Variants in WDPCP observed in about 807,000 individuals in gnomAD.
The protein encoded by WDPCP is WD repeat-containing and planar cell polarity effector protein fritz homolog.
Under a neutral mutation model 93.1 loss-of-function variants are expected in WDPCP, and 71 were observed. The ratio of observed to expected loss-of-function variants is 0.76; its 90% CI spans 0.63 to 0.93. The LOEUF is 0.93. Among genes scored for constraint, WDPCP ranks in the 40% least tolerant of loss-of-function variants. The pLI is 0.00. For missense variants in WDPCP, 844 were observed against 887.4 expected (o/e 0.95, Z 0.62); for synonymous variants, 315 against 315.0 (o/e 1.00, Z 0.00).
intron 13 of WDPCP, among the ~76,000 whole-genome samples, chr2:63,287,878 G>A (rs1684124873): frequency 6.6e-6 from 1 of 152,144 alleles, no homozygotes; most frequent in Admixed American, 6.5e-5. Flanking sequence ...GCAAAAACGA[G>A]TCTATATTCA....
Position 63,588,300 on chromosome 2 carries a change from C to T in WDPCP, c.-29G>A. ...CAGACACTACCCCGGGCAGAAGGTT[C>T]CTAGGCTAGGTCCTCGGACCCGAGA... On this transcript the variant is annotated 5_prime_UTR_variant, in exon 1 of 18. Transcript: ENST00000272321. The T allele has an allele frequency of 3.2e-6, 5 of 1,562,230 alleles. No individual in the cohort carries two copies. Among genetic ancestry groups the T allele is most frequent in the Non-Finnish European group, 4.3e-6 (5 of 1,151,290 alleles).
At chr2:63,145,290 A>C (rs541758451) in intron 17 of WDPCP, among the ~76,000 whole-genome samples, 1 of 150,950 alleles carries the variant, frequency 6.6e-6, no homozygotes, top group South Asian at 2.1e-4. Context: ...ATAGAGAGGG[A>C]CCAGTGGTGG....
intron 2 of WDPCP, among the ~76,000 whole-genome samples, chr2:63,793,029 A>T (rs72808214): frequency 3.2e-4 from 49 of 152,306 alleles, no homozygotes; most frequent in Non-Finnish European, 5.4e-4. Flanking sequence ...TGAAATGTAA[A>T]TGTCATCACA....
chr2:63,311,109 C>T (rs1438128171), intron 13 of WDPCP, among the ~76,000 whole-genome samples: 8 of 152,058 alleles, frequency 5.3e-5, no homozygotes. Context: ...AACTTTTTAC[C>T]ACTGATAATA....
At chr2:63,650,329 T>C (rs1011257923) in intron 3 of WDPCP, among the ~76,000 whole-genome samples, 12 of 152,214 alleles carry the variant, frequency 7.9e-5, no homozygotes, top group Non-Finnish European at 1.5e-4. Flanking sequence ...TCCCCAATGA[T>C]GCTTATGCTG....
chr2:63,525,599 G>A (rs527673207), intron 1 of WDPCP, among the ~76,000 whole-genome samples: 1 of 152,012 alleles, frequency 6.6e-6, no homozygotes, highest in East Asian at 1.9e-4. Flanking sequence ...CCAGCTATTG[G>A]TTTTCTTAGT....
intron 2 of WDPCP, among the ~76,000 whole-genome samples, chr2:63,773,377 G>A (rs1670258376): frequency 6.6e-6 from 1 of 151,888 alleles, no homozygotes; most frequent in Admixed American, 6.6e-5. Flanking sequence ...ATGACACTCA[G>A]AAACAGACAA....
chr2:63,735,691 T>C (rs554268850), intron 2 of WDPCP, among the ~76,000 whole-genome samples: 1 of 152,238 alleles, frequency 6.6e-6, no homozygotes, highest in African/African-American at 2.4e-5. Context: ...TCTATTACCA[T>C]GGTCCAAAAG....
At chr2:63,233,564 A>G in intron 14 of WDPCP, 1 of 169,720 alleles carries the variant, frequency 5.9e-6, no homozygotes, top group Non-Finnish European at 1.3e-5. Context: ...TAGGATATTC[A>G]ATATGAGAGA....
chr2:63,315,914 CA>C (rs1341001380), intron 12 of WDPCP, among the ~76,000 whole-genome samples: 9 of 150,844 alleles, frequency 6.0e-5, no homozygotes, highest in Middle Eastern at 3.4e-3. Flanking sequence ...AAGCATGTGC[CA>C]CGTTCTGGGG....
chr2:63,331,512 A>G (rs1400751290), intron 12 of WDPCP, among the ~76,000 whole-genome samples: 2 of 152,196 alleles, frequency 1.3e-5, no homozygotes, highest in African/African-American at 4.8e-5. Context: ...GAATGTTTTA[A>G]TCACCTATTG....
rs766188450 is a variant in WDPCP, at chr2:63,121,962, A to G, written c.*44T>C. On this transcript the variant is annotated 3_prime_UTR_variant, in exon 18 of 18. Coordinates refer to ENST00000272321, the MANE Select transcript of WDPCP (RefSeq NM_015910.7). Reference sequence around the variant, plus strand: ...ATTTTAAGTCTGTATCAGGCCATGAAAAGTTTAGATATGAAGAAGGCAGTT... The same window carrying G: ...ATTTTAAGTCTGTATCAGGCCATGAGAAGTTTAGATATGAAGAAGGCAGTT... 1.2e-6 allele frequency: 2 copies of G among 1,612,000 alleles called. No individual in the cohort carries two copies. Among genetic ancestry groups the G allele is most frequent in the Non-Finnish European group, 1.7e-6 (2 of 1,179,344 alleles).
Position 63,155,155 on chromosome 2 carries a change from T to A in WDPCP, c.2079-1581A>T, listed in dbSNP as rs546080099. 8.5e-5 allele frequency among the ~76,000 whole-genome samples: 13 copies of A among 152,350 alleles called. No individual in the cohort carries two copies. The South Asian group carries it at 1.4e-3, about 17-fold the overall frequency. On this transcript the variant is annotated intron_variant, in intron 15 of 17. Transcript: ENST00000272321. ...CAGTTGATGAAGTTACCAATTTTTT[T>A]AAAATGGATCATGCTTTTGGTGTCT...
chr2:63,674,422 T>C (rs1380217793), intron 2 of WDPCP, among the ~76,000 whole-genome samples: 7 of 152,178 alleles, frequency 4.6e-5, no homozygotes, highest in Non-Finnish European at 8.8e-5. Context: ...TAGAGGACAT[T>C]ATGCTAAGTG....
At chr2:63,652,833 C>A (rs1472383167) in intron 2 of WDPCP, among the ~76,000 whole-genome samples, 1 of 152,086 alleles carries the variant, frequency 6.6e-6, no homozygotes, top group African/African-American at 2.4e-5. Context: ...AAATGTAGAG[C>A]ATATGGATGG....
At chr2:63,134,348 A>C (rs905280733) in intron 17 of WDPCP, among the ~76,000 whole-genome samples, 1 of 152,214 alleles carries the variant, frequency 6.6e-6, no homozygotes. Context: ...GCTCCAATAT[A>C]ATAGATCACA....
intron 14 of WDPCP, among the ~76,000 whole-genome samples, chr2:63,200,629 A>T (rs905858535): frequency 1.3e-5 from 2 of 152,172 alleles, no homozygotes; most frequent in African/African-American, 4.8e-5. Context: ...AATTAGAATG[A>T]TGGAACTCAG....
At position 63,561,410 on chromosome 2, in the gene WDPCP, G is replaced by A. The variant is rs546094657; in HGVS notation, c.75+26787C>T. ...GGAGAATTGCTTGAACCCGGGAGGC[G>A]GAGGTTACAGTGAGCCAAGATCATG... On this transcript the variant is annotated intron_variant, in intron 1 of 17. Transcript: ENST00000272321. 2.5e-3 allele frequency among the ~76,000 whole-genome samples: 377 copies of A among 151,934 alleles called. 9 individuals are homozygous for A. The highest frequency in any genetic ancestry group is 2.0e-3 in the Non-Finnish European group (134 of 67,974).
At chr2:63,135,013 C>T (rs1275541186) in intron 17 of WDPCP, among the ~76,000 whole-genome samples, 6 of 152,024 alleles carry the variant, frequency 3.9e-5, no homozygotes, top group Non-Finnish European at 8.8e-5. Context: ...GTGCTAGCTA[C>T]CTGGGAGGCT....
Sources: allele counts gnomAD v4.1 joint callset (sites outside exome capture counted in the v4.1 genomes callset), GRCh38; gene constraint gnomAD v4.1.1; transcripts MANE v1.5; gene names NCBI Gene and HGNC (gene_info 2026-07-23, HGNC 2026-07-21).